The following NTN1 variants were observed in gnomAD, a reference collection of about 807,000 sequenced individuals.
The protein encoded by NTN1 is netrin-1.
Under a neutral mutation model 54.2 loss-of-function variants are expected in NTN1, and 11 were observed. That is an observed-to-expected ratio of 0.20 (90% confidence interval 0.13 to 0.34). The LOEUF is 0.34. Ranked by LOEUF, NTN1 falls within the 10% of genes least tolerant of loss-of-function variation. The pLI is 1.00. For missense variants in NTN1, 740 were observed against 893.1 expected (o/e 0.83, Z 2.18); for synonymous variants, 371 against 382.0 (o/e 0.97, Z 0.33).
At chr17:9,059,286 A>T (rs1314415393) in intron 2 of NTN1, among the ~76,000 whole-genome samples, 1 of 152,228 alleles carries the variant, frequency 6.6e-6, no homozygotes, top group African/African-American at 2.4e-5. Context: ...AGTGTGACCC[A>T]GCAATGCCTC....
At chr17:9,049,691 C>CT (rs1216192263) in intron 2 of NTN1, among the ~76,000 whole-genome samples, 1 of 152,182 alleles carries the variant, frequency 6.6e-6, no homozygotes, top group Non-Finnish European at 1.5e-5. Context: ...CTGGAGGAGA[C>CT]TAAGGAGACG....
chr17:9,133,056 C>T (rs886185490), intron 2 of NTN1, among the ~76,000 whole-genome samples: 4 of 152,050 alleles, frequency 2.6e-5, no homozygotes, highest in African/African-American at 4.8e-5. Flanking sequence ...AGGTCTCCTC[C>T]CCTCCACCTT....
the NTN1 span, among the ~76,000 whole-genome samples, chr17:9,011,291 G>A: frequency 1.8e-3 from 267 of 152,254 alleles, no homozygotes; most frequent in African/African-American, 5.9e-3. Flanking sequence ...AGGGACCCCC[G>A]CTGTAGGGAA....
At chr17:9,043,172 A>G (rs2151513774) in intron 2 of NTN1, among the ~76,000 whole-genome samples, 1 of 152,266 alleles carries the variant, frequency 6.6e-6, no homozygotes, top group Non-Finnish European at 1.5e-5. Flanking sequence ...ATGTTCATAT[A>G]TGGCTATATC....
chr17:9,048,314 CTT>C (rs34970192), intron 2 of NTN1, among the ~76,000 whole-genome samples: 57,401 of 148,812 alleles, frequency 0.39, 12,088 homozygotes, highest in East Asian at 0.78. Flanking sequence ...TGAAAGGAAT[CTT>C]TTTTTTTTTT....
chr17:9,004,661 G>A, the NTN1 span, among the ~76,000 whole-genome samples: 1 of 152,244 alleles, frequency 6.6e-6, no homozygotes, highest in South Asian at 2.1e-4. Flanking sequence ...CCAGGCTGTG[G>A]CGCCTCCAGT....
At chr17:9,112,043 G>A (rs1343747560) in intron 2 of NTN1, among the ~76,000 whole-genome samples, 1 of 152,210 alleles carries the variant, frequency 6.6e-6, no homozygotes, top group African/African-American at 2.4e-5. Flanking sequence ...AGAGTCCCCA[G>A]AAAACAGATA....
chr17:9,201,011 G>C (rs1468944415), intron 5 of NTN1, among the ~76,000 whole-genome samples: 1 of 151,854 alleles, frequency 6.6e-6, no homozygotes, highest in Non-Finnish European at 1.5e-5. Flanking sequence ...ATGGGCTGCT[G>C]TTTTTTTTAA....
Position 9,162,879 on chromosome 17 carries a change from G to T in NTN1, c.1085G>T (p.Arg362Leu), listed in dbSNP as rs558564980. 3 of 1,614,068 alleles carry T rather than the reference G, an allele frequency of 1.9e-6. No homozygotes were observed. The highest frequency in any genetic ancestry group is 1.7e-6 in the Non-Finnish European group (2 of 1,180,000). ...ATGGAGCTCTACAAGCTTTCGGGGC[G>T]CAAGAGCGGAGGTGTCTGCCTCAAC... ...FNMELYKLSG[R>L]KSGGVCLNCR... is the part of the protein sequence containing the mutation. The change falls in exon 3 of 7, where the codon CGC becomes CTC. Residue 362 changes from arginine (R) to leucine (L), a missense_variant. Coordinates refer to ENST00000173229, the MANE Select transcript of NTN1 (RefSeq NM_004822.3).
the NTN1 span, among the ~76,000 whole-genome samples, chr17:9,016,231 C>T: frequency 1.3e-5 from 2 of 152,250 alleles, no homozygotes; most frequent in South Asian, 2.1e-4. Flanking sequence ...GGTCAGTCTT[C>T]GTCTCTGCCC....
chr17:9,075,239 G>A (rs2092045443), intron 2 of NTN1, among the ~76,000 whole-genome samples: 1 of 152,166 alleles, frequency 6.6e-6, no homozygotes, highest in South Asian at 2.1e-4. Context: ...CCAGCACTTT[G>A]GGAGGCCGAG....
intron 5 of NTN1, among the ~76,000 whole-genome samples, chr17:9,217,232 C>A (rs1422846269): frequency 6.6e-6 from 1 of 152,092 alleles, no homozygotes; most frequent in Non-Finnish European, 1.5e-5. Context: ...CTTTTCTGCT[C>A]ATCAGACAAA....
chr17:9,121,027 A>C (rs906243773), intron 2 of NTN1, among the ~76,000 whole-genome samples: 2 of 152,184 alleles, frequency 1.3e-5, no homozygotes, highest in Non-Finnish European at 2.9e-5. Context: ...GGTGAACATT[A>C]TCCCAAGTGG....
chr17:9,049,781 G>A (rs1372335693), intron 2 of NTN1, among the ~76,000 whole-genome samples: 2 of 152,112 alleles, frequency 1.3e-5, no homozygotes, highest in African/African-American at 2.4e-5. Context: ...ATTTGAATAA[G>A]GTTTGTAGAT....
intron 2 of NTN1, among the ~76,000 whole-genome samples, chr17:9,154,289 C>T (rs2092335690): frequency 6.6e-6 from 1 of 152,250 alleles, no homozygotes. Flanking sequence ...ACGTCCCCAG[C>T]ACCTTGCATG....
chr17:9,147,667 G>A (rs895283901), intron 2 of NTN1, among the ~76,000 whole-genome samples: 3 of 152,112 alleles, frequency 2.0e-5, no homozygotes, highest in Non-Finnish European at 4.4e-5. Context: ...CTCCTGTACC[G>A]TATTTTTCTA....
intron 2 of NTN1, among the ~76,000 whole-genome samples, chr17:9,030,316 T>C (rs1002436192): frequency 5.3e-5 from 8 of 152,250 alleles, no homozygotes; most frequent in African/African-American, 1.9e-4. Context: ...AAAGCTGTGC[T>C]CCGCTCTTGC....
chr17:9,114,162 AAAAAATAT>A (rs2092202320), intron 2 of NTN1, among the ~76,000 whole-genome samples: 1 of 84,266 alleles, frequency 1.2e-5, no homozygotes, highest in Non-Finnish European at 2.4e-5. Context: ...AGAAAAAAAA[AAAAAATAT>A]ATATATATAT....
chr17:9,201,243 C>A (rs991324413), intron 5 of NTN1, among the ~76,000 whole-genome samples: 20 of 152,152 alleles, frequency 1.3e-4, no homozygotes, highest in African/African-American at 4.1e-4. Context: ...GGTCAGACAC[C>A]CCTCATCCAG....
Sources: gnomAD v4.1 joint callset for allele counts (sites outside exome capture counted in the v4.1 genomes callset) on GRCh38, gnomAD v4.1.1 for gene constraint, MANE v1.5 for transcripts, NCBI Gene and HGNC (gene_info 2026-07-23, HGNC 2026-07-21) for gene names.